The following C20orf203 variants were observed in gnomAD, a reference collection of about 807,000 sequenced individuals.
C20orf203 encodes the protein uncharacterized protein C20orf203.
A neutral mutation model predicts 15.9 loss-of-function variants in C20orf203; 16 were observed. The ratio of observed to expected loss-of-function variants is 1.01; its 90% CI spans 0.68 to 1.53. C20orf203 has a LOEUF of 1.53. Among genes scored for constraint, C20orf203 ranks in the 40% most tolerant of loss-of-function variants. The pLI is 0.00. For synonymous variants in C20orf203, 98 were observed against 97.2 expected (o/e 1.01, Z -0.05); for missense variants, 263 against 247.5 (o/e 1.06, Z -0.42).
rs34933326 is a variant in C20orf203, at chr20:32,666,797, T to TTATATATATATATATATATATATATA, written c.-264+6809_-264+6834dup. The stretch of plus-strand genomic sequence containing the variant: ...AAAAAAAGATGAAATTAATTTTAAT[T>TTATATATATATATATATATATATATA]TATATATATATATATATATATATAT... On this transcript the variant is annotated intron_variant, in intron 1 of 5. Transcript: ENST00000608990. Among the ~76,000 whole-genome samples the TTATATATATATATATATATATATATA allele has an allele frequency of 2.0e-3, 133 of 65,478 alleles. 2 individuals carry two copies. The highest frequency in any genetic ancestry group is 2.6e-3 in the Non-Finnish European group (72 of 27,916). 43.0% of individuals were successfully genotyped at this position (65,478 alleles called of 152,430 possible).
At chr20:32,649,016 G>A (rs1982527810) in intron 4 of C20orf203, among the ~76,000 whole-genome samples, 2 of 152,202 alleles carry the variant, frequency 1.3e-5, no homozygotes, top group Non-Finnish European at 1.5e-5. Context: ...CTGAAAAGCA[G>A]GGAGGTTGCC....
intron 5 of C20orf203, among the ~76,000 whole-genome samples, chr20:32,637,276 G>T (rs1204964255): frequency 6.6e-6 from 1 of 152,146 alleles, no homozygotes; most frequent in Non-Finnish European, 1.5e-5. Context: ...AGCTGGGCGT[G>T]GTGGCAGGCG....
chr20:32,652,705 C>T (rs1033863068), intron 1 of C20orf203, among the ~76,000 whole-genome samples: 4 of 152,018 alleles, frequency 2.6e-5, no homozygotes, highest in African/African-American at 7.2e-5. Flanking sequence ...CAGTGAGGGC[C>T]CCCTTCCAGG....
At chr20:32,641,116 C>T (rs905129703) in intron 4 of C20orf203, among the ~76,000 whole-genome samples, 8 of 151,666 alleles carry the variant, frequency 5.3e-5, no homozygotes, top group Non-Finnish European at 1.0e-4. Flanking sequence ...GCCAGGAGTT[C>T]GAGACCAGCC....
Position 32,651,734 on chromosome 20 carries a change from T to A in C20orf203, c.-16A>T. On this transcript the variant is annotated splice_region_variant and 5_prime_UTR_variant, in exon 2 of 6. An upstream open reading frame in the 5' UTR gains an earlier in-frame stop. Coordinates refer to ENST00000608990, the MANE Select transcript of C20orf203 (RefSeq NM_182584.4). The stretch of plus-strand genomic sequence containing the variant: ...GCACCTAGCCTGTCCGAGTCTTACC[T>A]CTTCATGTGGCAGCTGCAGTCTGGC... 6.6e-6 allele frequency: 1 copy of A among 152,412 alleles called. No individual in the cohort carries two copies. The allele number at this position is 152,412 out of a possible 1,614,324, so 9.4% of individuals were successfully genotyped here.
At chr20:32,644,622 A>G (rs1378300566) in intron 4 of C20orf203, among the ~76,000 whole-genome samples, 1 of 152,090 alleles carries the variant, frequency 6.6e-6, no homozygotes, top group African/African-American at 2.4e-5. Context: ...TAATTGGGAA[A>G]GTGCCCCATT....
intron 4 of C20orf203, among the ~76,000 whole-genome samples, chr20:32,646,587 G>A (rs1277185292): frequency 6.6e-6 from 1 of 152,164 alleles, no homozygotes; most frequent in Non-Finnish European, 1.5e-5. Flanking sequence ...TGCTGTTGTG[G>A]TCAAGATGGG....
At chr20:32,673,193 G>A (rs1983214047) in intron 1 of C20orf203, among the ~76,000 whole-genome samples, 1 of 152,146 alleles carries the variant, frequency 6.6e-6, no homozygotes, top group Non-Finnish European at 1.5e-5. Flanking sequence ...GAGCCCCAGG[G>A]CTGGTACAAA....
At position 32,668,034 on chromosome 20, in the gene C20orf203, A is replaced by G. The variant is rs575538824; in HGVS notation, c.-264+5598T>C. ...TGGTCTCTGGGGCTAGCCCGCCTGG[A>G]GTGAATCCCTGCTGCCCCTCTAACT... On this transcript the variant is annotated intron_variant, in intron 1 of 5. Transcript: ENST00000608990. 8.5e-5 allele frequency among the ~76,000 whole-genome samples: 13 copies of G among 152,282 alleles called. No homozygotes were observed. The East Asian group carries it at 2.5e-3, about 29-fold the overall frequency.
At chr20:32,666,502 A>G (rs1360183816) in intron 1 of C20orf203, among the ~76,000 whole-genome samples, 2 of 150,766 alleles carry the variant, frequency 1.3e-5, no homozygotes, top group Non-Finnish European at 1.5e-5. Flanking sequence ...AGTGGCTCAT[A>G]CCTGTAATCC....
rs142693429 is a variant in C20orf203 at position 32,653,518 on chromosome 20, C to T, written c.-263-1537G>A. ...TGTTGGCAAGGGATGGGGGACTAGGCCTCCTGCTTGCACACTGCTAGAACT... is the reference window on the plus strand; with the variant it reads ...TGTTGGCAAGGGATGGGGGACTAGGTCTCCTGCTTGCACACTGCTAGAACT... On this transcript the variant is annotated intron_variant, in intron 1 of 5. Coordinates refer to ENST00000608990, the MANE Select transcript of C20orf203 (RefSeq NM_182584.4). Among the ~76,000 whole-genome samples, 438 of 152,162 alleles carry T rather than the reference C, an allele frequency of 2.9e-3. 3 individuals are homozygous for T. The highest frequency in any genetic ancestry group is 1.0e-2 in the African/African-American group (414 of 41,520).
At chr20:32,661,754 A>G (rs1982896434) in intron 1 of C20orf203, among the ~76,000 whole-genome samples, 1 of 152,178 alleles carries the variant, frequency 6.6e-6, no homozygotes, top group African/African-American at 2.4e-5. Context: ...TTCAGGATGC[A>G]GCCACAGATC....
intron 1 of C20orf203, among the ~76,000 whole-genome samples, chr20:32,668,625 C>G (rs78691986): frequency 1.7e-4 from 25 of 144,884 alleles, no homozygotes; most frequent in African/African-American, 5.6e-4. Flanking sequence ...GACTCTGTCT[C>G]AAAAAAAAAT....
At chr20:32,673,167 A>G (rs1019094961) in intron 1 of C20orf203, among the ~76,000 whole-genome samples, 1 of 152,142 alleles carries the variant, frequency 6.6e-6, no homozygotes, top group Non-Finnish European at 1.5e-5. Context: ...ACAAGCGACA[A>G]GCCCGCCCTC....
chr20:32,661,924 G>A (rs1275148797), intron 1 of C20orf203, among the ~76,000 whole-genome samples: 4 of 152,122 alleles, frequency 2.6e-5, no homozygotes, highest in Admixed American at 6.6e-5. Flanking sequence ...CCTAGCCCCC[G>A]GGGAGGCCCA....
At chr20:32,647,475 G>T (rs1025209632) in intron 4 of C20orf203, among the ~76,000 whole-genome samples, 24 of 152,112 alleles carry the variant, frequency 1.6e-4, no homozygotes, top group African/African-American at 5.8e-4. Context: ...AGGCTAAGGT[G>T]GGAGGATCAC....
At position 32,650,193 on chromosome 20, in the gene C20orf203, G is replaced by C; in HGVS notation, c.*239C>G. ...AGAGCCTGCCCCGCATGTCCGGCCG[G>C]GGTTCTACCCAGAGCCAGCCTGGCA... On this transcript the variant is annotated 3_prime_UTR_variant, in exon 4 of 6. Transcript: ENST00000608990. The C allele has an allele frequency of 1.9e-6, 1 of 524,398 alleles. No individual in the cohort carries two copies. Among genetic ancestry groups the C allele is most frequent in the Non-Finnish European group, 3.4e-6 (1 of 292,048 alleles). 32.5% of individuals were successfully genotyped at this position (524,398 alleles called of 1,614,324 possible).
chr20:32,634,452 T>C (rs1052561755), intron 5 of C20orf203, among the ~76,000 whole-genome samples, 182 bp from the exon 6 acceptor site: 2 of 152,106 alleles, frequency 1.3e-5, no homozygotes, highest in Admixed American at 1.3e-4. Flanking sequence ...CCCAGCACCC[T>C]CCCGAGTACC....
intron 4 of C20orf203, among the ~76,000 whole-genome samples, chr20:32,641,538 T>G (rs1982280999): frequency 6.6e-6 from 1 of 152,196 alleles, no homozygotes. Flanking sequence ...TTTGAGAATG[T>G]GCCAGACTGT....
Sources: allele counts gnomAD v4.1 joint callset (sites outside exome capture counted in the v4.1 genomes callset), GRCh38; gene constraint gnomAD v4.1.1; transcripts MANE v1.5; gene names NCBI Gene and HGNC (gene_info 2026-07-23, HGNC 2026-07-21).